MTO1: variants seen among roughly 807,000 people sequenced by gnomAD.
MTO1 encodes the protein mitochondrial tRNA translation optimization 1.
In MTO1, 46 loss-of-function variants were observed where a neutral mutation model predicts 71.6. The ratio of observed to expected loss-of-function variants is 0.64; its 90% CI spans 0.51 to 0.82. The LOEUF (loss-of-function observed/expected upper bound fraction) is 0.82. Ranked by LOEUF, MTO1 falls within the 40% of genes least tolerant of loss-of-function variation. MTO1 has a pLI of 0.00. For synonymous variants in MTO1, 297 were observed against 312.1 expected (o/e 0.95, Z 0.51); for missense variants, 773 against 867.5 (o/e 0.89, Z 1.37).
Position 73,479,755 on chromosome 6 carries a change from C to T in MTO1, c.849C>T (p.Tyr283=). 1.9e-6 allele frequency: 3 copies of T among 1,613,396 alleles called. No individual in the cohort carries two copies. Among genetic ancestry groups the T allele is most frequent in the Non-Finnish European group, 2.5e-6 (3 of 1,179,788 alleles). ...WIKPEDQLPC[Y]LTHTNPRVDE... is the part of the protein sequence containing the mutation. ...AGCCAGAAGATCAGCTGCCATGTTA[C>T]TTGACTCACACCAACCCTAGAGTGG... Residue 283 remains tyrosine, a synonymous_variant, in exon 5 of 12, where the codon TAC becomes TAT. Transcript: ENST00000498286.
At chr6:73,473,020 A>G (rs767834348) in intron 3 of MTO1, among the ~76,000 whole-genome samples, 4 of 152,166 alleles carry the variant, frequency 2.6e-5, no homozygotes, top group Non-Finnish European at 4.4e-5. Context: ...TCACGCCTGT[A>G]AGTAATCCCA....
rs1282425511 is a variant in MTO1 at position 73,505,545 on chromosome 6, TTTTTTGTTTTGTTTTTG to T, written c.*4821_*4837del. The stretch of plus-strand genomic sequence containing the variant: ...TCTTTAGTGAGTACAGAATTTCAGT[TTTTTTGTTTTGTTTTTG>T]TTTTTGTTTTTGAGATGGAGCCTCA... On this transcript the variant is annotated 3_prime_UTR_variant, in exon 12 of 12. Coordinates refer to ENST00000498286, the MANE Select transcript of MTO1 (RefSeq NM_012123.4). 3.3e-5 allele frequency: 5 copies of T among 151,152 alleles called. No individual in the cohort carries two copies. The highest frequency in any genetic ancestry group is 7.4e-5 in the Non-Finnish European group (5 of 67,756). 9.4% of individuals were successfully genotyped at this position (151,152 alleles called of 1,614,324 possible).
In MTO1 at chr6:73,461,748, T is replaced by C. The variant is rs1214916457; in HGVS notation, c.-107T>C. 2.4e-6 allele frequency: 3 copies of C among 1,235,676 alleles called. No homozygotes were observed. The highest frequency in any genetic ancestry group is 1.4e-5 in the South Asian group (1 of 70,330). 76.5% of individuals were successfully genotyped at this position (1,235,676 alleles called of 1,614,324 possible). ...CGCTGGACGTAGACGTCCTACCCCGTGATATTAAAGCAAGATGGCCGCGCC... is the reference window on the plus strand; with the variant it reads ...CGCTGGACGTAGACGTCCTACCCCGCGATATTAAAGCAAGATGGCCGCGCC... On this transcript the variant is annotated 5_prime_UTR_variant, in exon 1 of 12. Transcript: ENST00000498286.
At chr6:73,464,469 T>G (rs925279566) in intron 1 of MTO1, among the ~76,000 whole-genome samples, 6 of 152,022 alleles carry the variant, frequency 3.9e-5, no homozygotes, top group Non-Finnish European at 2.9e-5. Flanking sequence ...AGTCTCCCTG[T>G]GGAGACCATT....
intron 1 of MTO1, among the ~76,000 whole-genome samples, chr6:73,463,180 C>A (rs553552973): frequency 6.6e-6 from 1 of 152,046 alleles, no homozygotes; most frequent in South Asian, 2.1e-4. Flanking sequence ...CCCACCACCA[C>A]GCCCGGCTAA....
At position 73,468,043 on chromosome 6, in the gene MTO1, T is replaced by A. The variant is rs186873117; in HGVS notation, c.535+1437T>A. Among the ~76,000 whole-genome samples, 3 of 151,806 alleles carry A rather than the reference T, an allele frequency of 2.0e-5. No homozygotes were observed. The East Asian group carries it at 5.8e-4, about 29-fold the overall frequency. ...ACCACGTTGGCCAGGATGGTCTTGTTCTCCTGACCTTGTGATCCACCCGCC... is the reference window on the plus strand; with the variant it reads ...ACCACGTTGGCCAGGATGGTCTTGTACTCCTGACCTTGTGATCCACCCGCC... On this transcript the variant is annotated intron_variant, in intron 3 of 11. Transcript: ENST00000498286.
intron 7 of MTO1, 48 bp downstream of exon 7, chr6:73,480,853 G>GGAC: frequency 1.9e-6 from 3 of 1,579,404 alleles, no homozygotes; most frequent in East Asian, 4.5e-5. Flanking sequence ...TATTTAACTG[G>GGAC]TATTTCTCCT....
At chr6:73,478,187 A>C (rs931130511) in intron 4 of MTO1, among the ~76,000 whole-genome samples, 4 of 151,740 alleles carry the variant, frequency 2.6e-5, no homozygotes, top group African/African-American at 9.7e-5. Context: ...CAGAGGTTGC[A>C]GTGAGCAGAG....
At position 73,461,965 on chromosome 6, in the gene MTO1, C is replaced by T. The variant is rs375783962; in HGVS notation, c.111C>T (p.Phe37=). ...GCGCGGCGCCCCGGACTCCGCACTT[C>T]GACGTGATAGTCATTGGTGGAGGAC... ...SDSAAPRTPH[F]DVIVIGGGHA... is the part of the protein sequence containing the mutation. The change falls in exon 1 of 12, where the codon TTC becomes TTT. Residue 37 remains phenylalanine, a synonymous_variant. Transcript: ENST00000498286. The T allele has an allele frequency of 2.3e-5, 37 of 1,614,246 alleles. No individual in the cohort carries two copies. Among genetic ancestry groups the T allele is most frequent in the Non-Finnish European group, 3.0e-5 (35 of 1,180,042 alleles).
At chr6:73,469,267 C>G (rs954252736) in intron 3 of MTO1, among the ~76,000 whole-genome samples, 1 of 152,132 alleles carries the variant, frequency 6.6e-6, no homozygotes, top group African/African-American at 2.4e-5. Flanking sequence ...ATCCTCCCAC[C>G]TCAACCACCC....
chr6:73,491,916 C>A, intron 9 of MTO1: 1 of 216,318 alleles, frequency 4.6e-6, no homozygotes, highest in Non-Finnish European at 9.5e-6. Context: ...GCCTGGCCAG[C>A]ATGGTGAAAC....
At chr6:73,490,059 G>A (rs955137871) in intron 9 of MTO1, among the ~76,000 whole-genome samples, 5 of 152,038 alleles carry the variant, frequency 3.3e-5, no homozygotes, top group African/African-American at 4.8e-5. Context: ...GCATTTTTTC[G>A]TGTGCCTGTT....
intron 7 of MTO1, 75 bp from the exon 8 acceptor site, chr6:73,481,965 C>T: frequency 6.7e-7 from 1 of 1,502,546 alleles, no homozygotes; most frequent in Admixed American, 1.7e-5. Context: ...GCCATTGTTT[C>T]TGAGTAGTGT....
chr6:73,504,966 T>G lies in MTO1; in HGVS notation c.*4231T>G, dbSNP rs539013821. On this transcript the variant is annotated 3_prime_UTR_variant, in exon 12 of 12. Coordinates refer to ENST00000498286, the MANE Select transcript of MTO1 (RefSeq NM_012123.4). ...AAATCTGCCAGCGCAAGCAGATCACTTGAGGATAGGAGTTTGAGACCAGCC... is the reference window on the plus strand; with the variant it reads ...AAATCTGCCAGCGCAAGCAGATCACGTGAGGATAGGAGTTTGAGACCAGCC... 1 of 151,686 alleles carries G rather than the reference T, an allele frequency of 6.6e-6. No homozygotes were observed. The highest frequency in any genetic ancestry group is 2.1e-4 in the South Asian group (1 of 4,768). 9.4% of individuals were successfully genotyped at this position (151,686 alleles called of 1,614,324 possible).
chr6:73,489,278 C>CTTT (rs35006239), intron 9 of MTO1, among the ~76,000 whole-genome samples: 3 of 143,466 alleles, frequency 2.1e-5, no homozygotes, highest in Non-Finnish European at 3.0e-5. Context: ...TTCTTTTTTT[C>CTTT]TTTTTTTTTT....
chr6:73,484,688 A>G (rs1771602829), intron 9 of MTO1, among the ~76,000 whole-genome samples: 1 of 152,034 alleles, frequency 6.6e-6, no homozygotes, highest in African/African-American at 2.4e-5. Flanking sequence ...TTTAAAATTG[A>G]CTCATTTCTC....
At chr6:73,466,174 C>G (rs374868167) in intron 1 of MTO1, 35 bp from the exon 2 acceptor site, 1 of 1,544,692 alleles carries the variant, frequency 6.5e-7, no homozygotes, top group Non-Finnish European at 8.9e-7. Context: ...GCAAGGTGCT[C>G]ATATATTTAT....
At chr6:73,477,828 A>AGGTGGTGCTGCTGG (rs1771371283) in intron 4 of MTO1, among the ~76,000 whole-genome samples, 1 of 151,920 alleles carries the variant, frequency 6.6e-6, no homozygotes, top group Admixed American at 6.6e-5. Context: ...TTTTATTCCC[A>AGGTGGTGCTGCTGG]ATCAAGGGTC....
chr6:73,482,707 C>G lies in MTO1; in HGVS notation c.1637+87C>G. On this transcript the variant is annotated intron_variant, in intron 9 of 11. Coordinates refer to ENST00000498286, the MANE Select transcript of MTO1 (RefSeq NM_012123.4). The stretch of plus-strand genomic sequence containing the variant: ...TTCATAGAGACATTACCTATGTGTT[C>G]CTACCTACACATTTCAAATGAATGT... The G allele has an allele frequency of 7.6e-6, 8 of 1,056,454 alleles. No individual in the cohort carries two copies. In the South Asian group the frequency reaches 1.6e-4, roughly 20 times the overall value. The allele number at this position is 1,056,454 out of a possible 1,614,324, so 65.4% of individuals were successfully genotyped here.
Sources: allele counts gnomAD v4.1 joint callset (sites outside exome capture counted in the v4.1 genomes callset), GRCh38; gene constraint gnomAD v4.1.1; transcripts MANE v1.5; gene names NCBI Gene and HGNC (gene_info 2026-07-23, HGNC 2026-07-21).